CCDC88A: variants seen among roughly 807,000 people sequenced by gnomAD.
CCDC88A encodes coiled-coil and HOOK domain protein 88A.
CCDC88A carries 54 observed loss-of-function variants against 234.3 expected under a neutral mutation model. The ratio of observed to expected loss-of-function variants is 0.23; its 90% CI spans 0.19 to 0.29. The LOEUF is 0.29. Ranked by LOEUF, CCDC88A falls within the 10% of genes least tolerant of loss-of-function variation. The probability of loss-of-function intolerance (pLI) is 1.00; values close to 1 mark genes in which losing one functional copy is unlikely to be tolerated. For synonymous variants in CCDC88A, 753 were observed against 737.8 expected (o/e 1.02, Z -0.33); for missense variants, 1,832 against 2,123.4 (o/e 0.86, Z 2.70).
chr2:55,339,746 C>A, intron 12 of CCDC88A, 98 bp from the exon 13 acceptor site: 1 of 817,190 alleles, frequency 1.2e-6, no homozygotes, highest in African/African-American at 1.8e-5. Flanking sequence ...TGCATTGCAT[C>A]ATCTGATCCT....
chr2:55,410,669 A>T (rs1680315513), intron 2 of CCDC88A, among the ~76,000 whole-genome samples: 1 of 152,102 alleles, frequency 6.6e-6, no homozygotes, highest in Non-Finnish European at 1.5e-5. Flanking sequence ...GGATAGCTTG[A>T]ACCCAGGAGA....
chr2:55,319,813 C>T (rs1464057119), intron 18 of CCDC88A, among the ~76,000 whole-genome samples: 1 of 152,044 alleles, frequency 6.6e-6, no homozygotes, highest in Non-Finnish European at 1.5e-5. Flanking sequence ...AAATCAACAA[C>T]AGCAAAGTAT....
chr2:55,325,359 A>C (rs1358608240), intron 17 of CCDC88A, among the ~76,000 whole-genome samples: 1 of 152,218 alleles, frequency 6.6e-6, no homozygotes, highest in Non-Finnish European at 1.5e-5. Flanking sequence ...AGAGAAATAA[A>C]ATAGGTTTTT....
intron 2 of CCDC88A, among the ~76,000 whole-genome samples, chr2:55,398,185 G>A (rs549831702): frequency 7.9e-5 from 12 of 152,192 alleles, no homozygotes; most frequent in Admixed American, 1.3e-4. Context: ...GGCTGTGAAG[G>A]GATTTCTATG....
intron 15 of CCDC88A, among the ~76,000 whole-genome samples, chr2:55,333,329 A>G (rs899055451): frequency 6.6e-6 from 1 of 152,194 alleles, no homozygotes; most frequent in African/African-American, 2.4e-5. Flanking sequence ...AGCCAAACAT[A>G]TACCTTCTGA....
chr2:55,362,293 A>C lies in CCDC88A; in HGVS notation c.627+15T>G, dbSNP rs1671427676. ...AAAGCAAACTTTCACAATATACTGA[A>C]AGAATTTTACAAACCTCTGAATGTT... On this transcript the variant is annotated intron_variant, in intron 7 of 32. Coordinates refer to ENST00000436346, the MANE Select transcript of CCDC88A (RefSeq NM_001365480.1). 1.9e-6 allele frequency: 3 copies of C among 1,550,912 alleles called. No homozygotes were observed. Among genetic ancestry groups the C allele is most frequent in the Non-Finnish European group, 2.6e-6 (3 of 1,155,770 alleles).
In CCDC88A at chr2:55,339,530, A is replaced by T; in HGVS notation, c.1452T>A (p.Asp484Glu). Residue 484 changes from aspartate to glutamate, a missense_variant, in exon 13 of 33, where the codon GAT becomes GAA. Physicochemically the swap from Asp to Glu is conservative, Grantham distance 45. Transcript: ENST00000436346. ...TTTTGGAAGCATTGCCTTCTACAGA[A>T]TCCACAGTAGTCCGAAGCTCTTCTA... ...KTVEELRTTV[D>E]SVEGNASKIL... The T allele has an allele frequency of 6.2e-7, 1 of 1,613,170 alleles. No homozygotes were observed. Among genetic ancestry groups the T allele is most frequent in the Non-Finnish European group, 8.5e-7 (1 of 1,179,596 alleles).
chr2:55,341,140 CT>C (rs562623314), intron 12 of CCDC88A, among the ~76,000 whole-genome samples: 13,707 of 80,898 alleles, frequency 0.17, 596 homozygotes, highest in East Asian at 0.46. Flanking sequence ...GAATTTCTTT[CT>C]TTTTTTTTTT....
chr2:55,339,640 T>G lies in CCDC88A; in HGVS notation c.1342A>C (p.Lys448Gln). The G allele has an allele frequency of 6.2e-7, 1 of 1,602,756 alleles. No homozygotes were observed. The highest frequency in any genetic ancestry group is 8.5e-7 in the Non-Finnish European group (1 of 1,176,620). ...RTSELSEAPQ[K>Q]SLGHEVNELT... Reference sequence around the variant, plus strand: ...TCATTCACCTCATGGCCCAGGGATTTCTGGGGTGCTATAATATTGAAAAAT... The same window carrying G: ...TCATTCACCTCATGGCCCAGGGATTGCTGGGGTGCTATAATATTGAAAAAT... Residue 448 changes from lysine (K) to glutamine (Q), a missense_variant, in exon 13 of 33, where the codon AAA (lysine) becomes CAA (glutamine). This residue lies in a region of CCDC88A where 1,282 missense variants were observed against 1,543.6 expected (regional missense o/e 0.83). Coordinates refer to ENST00000436346, the MANE Select transcript of CCDC88A (RefSeq NM_001365480.1).
intron 22 of CCDC88A, chr2:55,314,394 A>G (rs1682716432): frequency 6.6e-6 from 1 of 152,176 alleles, no homozygotes; most frequent in African/African-American, 2.4e-5. Flanking sequence ...TATATAAAGA[A>G]AAGAGAACAA....
rs375138562 is a variant in CCDC88A, at chr2:55,388,920, T to G, written c.165-34A>C. On this transcript the variant is annotated intron_variant, in intron 2 of 32. Coordinates refer to ENST00000436346, the MANE Select transcript of CCDC88A (RefSeq NM_001365480.1). The stretch of plus-strand genomic sequence containing the variant: ...AATACAAAAATACTTTAAAATTACA[T>G]AAAATACTACTATCAATCTATATAT... 6 of 722,578 alleles carry G rather than the reference T, an allele frequency of 8.3e-6. No individual in the cohort carries two copies. The South Asian group carries it at 1.1e-4, about 14-fold the overall frequency. 44.8% of individuals were successfully genotyped at this position (722,578 alleles called of 1,614,324 possible).
chr2:55,377,630 G>A (rs1673889402), intron 3 of CCDC88A, among the ~76,000 whole-genome samples: 1 of 151,838 alleles, frequency 6.6e-6, no homozygotes, highest in African/African-American at 2.4e-5. Context: ...TTTATTTAGA[G>A]ACAGAGTCTT....
At chr2:55,295,172 A>G in intron 31 of CCDC88A, 1 of 1,309,274 alleles carries the variant, frequency 7.6e-7, no homozygotes, top group Non-Finnish European at 1.0e-6. Context: ...GATTGTTGCT[A>G]TTTATAGAAA....
chr2:55,345,245 C>G (rs1414016719), intron 10 of CCDC88A: 1 of 152,060 alleles, frequency 6.6e-6, no homozygotes, highest in East Asian at 1.9e-4. Flanking sequence ...TTACTGGTAA[C>G]CTTTAAGCTA....
At chr2:55,387,779 C>CAAAGAAAAAAAA (rs1675916947) in intron 3 of CCDC88A, among the ~76,000 whole-genome samples, 1 of 64,852 alleles carries the variant, frequency 1.5e-5, no homozygotes, top group Non-Finnish European at 3.0e-5. Flanking sequence ...GGCTCCATCT[C>CAAAGAAAAAAAA]AAAAAAAAAA....
chr2:55,364,332 GAAGTA>G (rs1671690181), intron 5 of CCDC88A: 1 of 180,544 alleles, frequency 5.5e-6, no homozygotes, highest in South Asian at 1.6e-4. Flanking sequence ...TACACACAGA[GAAGTA>G]AAGAATCAAG....
rs13389151 is a variant in CCDC88A, at chr2:55,349,449, A to C, written c.882+69T>G. ...ATAAAGCATTGAAGTAAAGGTTATA[A>C]ATTACAAGGAAGAAAATCAATTTCC... On this transcript the variant is annotated intron_variant, in intron 9 of 32. Transcript: ENST00000436346. 18,956 of 1,129,352 alleles carry C rather than the reference A, an allele frequency of 0.017. 1,516 individuals are homozygous for C. In the African/African-American group the frequency reaches 0.21, roughly 12 times the overall value. The allele number at this position is 1,129,352 out of a possible 1,614,324, so 70.0% of individuals were successfully genotyped here.
rs201170449 is a variant in CCDC88A at position 55,322,667 on chromosome 2, T to C, written c.3023A>G (p.Lys1008Arg). ...CATCCTTTCCTCATCTTGTCTCTGTTTGAGAGCTTCATAATTTTTTTTCAC... is the reference window on the plus strand; with the variant it reads ...CATCCTTTCCTCATCTTGTCTCTGTCTGAGAGCTTCATAATTTTTTTTCAC... ...KTVKKNYEAL[K>R]QRQDEERMVQ... is the part of the protein sequence containing the mutation. The change falls in exon 18 of 33, where the codon AAA becomes AGA. Residue 1008 changes from lysine (K) to arginine (R), a missense_variant. This residue lies in a region of CCDC88A where 1,282 missense variants were observed against 1,543.6 expected (regional missense o/e 0.83). Transcript: ENST00000436346. 24 of 1,542,216 alleles carry C rather than the reference T, an allele frequency of 1.6e-5. No individual in the cohort carries two copies. The Admixed American group carries it at 3.7e-4, about 24-fold the overall frequency.
chr2:55,306,563 T>C (rs962714698), intron 25 of CCDC88A, among the ~76,000 whole-genome samples: 3 of 152,188 alleles, frequency 2.0e-5, no homozygotes, highest in Non-Finnish European at 4.4e-5. Flanking sequence ...CTGCTATACT[T>C]GCATTCTGAA....
Sources: allele counts gnomAD v4.1 joint callset (sites outside exome capture counted in the v4.1 genomes callset), GRCh38; gene constraint gnomAD v4.1.1; regional missense constraint gnomAD v4.1.1; transcripts MANE v1.5; gene names NCBI Gene and HGNC (gene_info 2026-07-23, HGNC 2026-07-21).